Variants in CACNA2D1 observed in about 807,000 individuals in gnomAD.
CACNA2D1 encodes calcium voltage-gated channel auxiliary subunit alpha2delta 1.
Under a neutral mutation model 171.5 loss-of-function variants are expected in CACNA2D1, and 53 were observed. That is an observed-to-expected ratio of 0.31 (90% CI 0.25 to 0.39). CACNA2D1 has a LOEUF of 0.39. CACNA2D1 is among the 10% of genes least tolerant of loss of function. CACNA2D1 has a pLI of 1.00. For missense variants in CACNA2D1, 903 were observed against 1,299.8 expected (o/e 0.69, Z 4.69); for synonymous variants, 442 against 443.1 (o/e 1.00, Z 0.03).
intron 3 of CACNA2D1, among the ~76,000 whole-genome samples, chr7:82,299,519 G>A (rs575246699): frequency 1.8e-4 from 28 of 152,020 alleles, no homozygotes; most frequent in Non-Finnish European, 3.7e-4. Flanking sequence ...AAATTAGCCA[G>A]GCGTGGTGGT....
chr7:82,183,835 C>A (rs1472603142), intron 3 of CACNA2D1, among the ~76,000 whole-genome samples: 3 of 152,012 alleles, frequency 2.0e-5, no homozygotes, highest in Non-Finnish European at 4.4e-5. Context: ...TCTGGTGAAC[C>A]ACTTCCAGTC....
chr7:82,334,611 T>C (rs1388486452), intron 3 of CACNA2D1, among the ~76,000 whole-genome samples: 1 of 151,988 alleles, frequency 6.6e-6, no homozygotes. Context: ...TTGATAATGC[T>C]AAAAAGTAAG....
intron 11 of CACNA2D1, among the ~76,000 whole-genome samples, chr7:82,036,926 C>G (rs1803347808): frequency 6.6e-6 from 1 of 152,010 alleles, no homozygotes; most frequent in South Asian, 2.1e-4. Context: ...CACCCAGCAA[C>G]CTACACCTGC....
At chr7:82,128,415 G>C (rs558781071) in intron 5 of CACNA2D1, among the ~76,000 whole-genome samples, 4 of 152,112 alleles carry the variant, frequency 2.6e-5, no homozygotes, top group African/African-American at 9.7e-5. Flanking sequence ...CTAAGTGGAG[G>C]AACGTAGATA....
intron 3 of CACNA2D1, among the ~76,000 whole-genome samples, chr7:82,219,971 T>C (rs552490773): frequency 6.6e-6 from 1 of 152,262 alleles, no homozygotes; most frequent in Admixed American, 6.5e-5. Flanking sequence ...CCCTTTTGCA[T>C]GATACAAAGA....
chr7:82,365,816 T>G (rs75855406), intron 1 of CACNA2D1, among the ~76,000 whole-genome samples: 3 of 152,362 alleles, frequency 2.0e-5, no homozygotes, highest in Non-Finnish European at 2.9e-5. Flanking sequence ...TTGGAGAGAT[T>G]TGAAGACAGC....
chr7:82,266,396 G>A (rs990398952), intron 3 of CACNA2D1, among the ~76,000 whole-genome samples: 2 of 152,100 alleles, frequency 1.3e-5, no homozygotes, highest in African/African-American at 4.8e-5. Flanking sequence ...TCATGAAAAT[G>A]GTTGTAAATT....
At chr7:82,337,563 T>C (rs945456012) in intron 2 of CACNA2D1, among the ~76,000 whole-genome samples, 16 of 152,218 alleles carry the variant, frequency 1.1e-4, no homozygotes, top group African/African-American at 3.1e-4. Flanking sequence ...TTGAGGTATC[T>C]TTTCCTCTTC....
chr7:82,131,362 T>G (rs544474187), intron 5 of CACNA2D1, among the ~76,000 whole-genome samples: 1 of 152,172 alleles, frequency 6.6e-6, no homozygotes, highest in East Asian at 1.9e-4. Flanking sequence ...CATGCCCAAG[T>G]AAGGTAAATG....
chr7:82,421,613 C>T (rs1454895840), intron 1 of CACNA2D1, among the ~76,000 whole-genome samples: 1 of 152,052 alleles, frequency 6.6e-6, no homozygotes, highest in Non-Finnish European at 1.5e-5. Flanking sequence ...GGGAGAAGGG[C>T]AGGGAAAGAG....
chr7:81,961,611 T>C (rs1794127800), intron 36 of CACNA2D1, among the ~76,000 whole-genome samples: 1 of 151,878 alleles, frequency 6.6e-6, no homozygotes, highest in African/African-American at 2.4e-5. Flanking sequence ...CTCTATGTTC[T>C]GCCTAAAGAG....
intron 12 of CACNA2D1, among the ~76,000 whole-genome samples, chr7:82,026,654 CTG>C (rs1171518380): frequency 6.6e-6 from 1 of 151,692 alleles, no homozygotes; most frequent in African/African-American, 2.4e-5. Context: ...TTATTAATAT[CTG>C]TGGGCTGCAG....
Position 82,363,819 on chromosome 7 carries a change from G to C in CACNA2D1, c.96-14170C>G, listed in dbSNP as rs185438423. Reference sequence around the variant, plus strand: ...TAGGCTTGGAGTTAATGGATGGACTGGGTCTGATTCTCCAGCCGGGTTCTT... The same window carrying C: ...TAGGCTTGGAGTTAATGGATGGACTCGGTCTGATTCTCCAGCCGGGTTCTT... On this transcript the variant is annotated intron_variant, in intron 1 of 38. Transcript: ENST00000356860. Among the ~76,000 whole-genome samples, 715 of 152,324 alleles carry C rather than the reference G, an allele frequency of 4.7e-3. 4 individuals carry two copies. The highest frequency in any genetic ancestry group is 0.017 in the African/African-American group (693 of 41,570).
intron 18 of CACNA2D1, among the ~76,000 whole-genome samples, chr7:81,997,790 A>AT (rs1798199343): frequency 6.6e-6 from 1 of 152,000 alleles, no homozygotes; most frequent in Admixed American, 6.6e-5. Flanking sequence ...TTTGCTTCAT[A>AT]TATTTCAATC....
At chr7:82,025,166 C>A (rs2131066881) in intron 12 of CACNA2D1, among the ~76,000 whole-genome samples, 1 of 151,540 alleles carries the variant, frequency 6.6e-6, no homozygotes, top group East Asian at 1.9e-4. Flanking sequence ...GAATTTTTTT[C>A]TATTTTTATT....
At chr7:82,417,192 C>T (rs1438168385) in intron 1 of CACNA2D1, among the ~76,000 whole-genome samples, 1 of 152,090 alleles carries the variant, frequency 6.6e-6, no homozygotes, top group Non-Finnish European at 1.5e-5. Flanking sequence ...GTGAGATAGC[C>T]TCAGCATAGG....
At chr7:82,059,726 G>T (rs1308462479) in intron 10 of CACNA2D1, among the ~76,000 whole-genome samples, 3 of 151,778 alleles carry the variant, frequency 2.0e-5, no homozygotes, top group African/African-American at 7.2e-5. Context: ...ATTCACAATA[G>T]CAAAGACTTG....
chr7:82,079,946 A>C (rs1179546332), intron 7 of CACNA2D1, among the ~76,000 whole-genome samples: 1 of 152,008 alleles, frequency 6.6e-6, no homozygotes, highest in Non-Finnish European at 1.5e-5. Context: ...ACCATTCTAC[A>C]ATATGTGTGT....
At chr7:82,202,122 C>G (rs1215665963) in intron 3 of CACNA2D1, among the ~76,000 whole-genome samples, 2 of 152,180 alleles carry the variant, frequency 1.3e-5, no homozygotes, top group South Asian at 2.1e-4. Flanking sequence ...ATTAGGTGAT[C>G]ACCCATGTGA....
Sources: gnomAD v4.1 joint callset for allele counts (sites outside exome capture counted in the v4.1 genomes callset) on GRCh38, gnomAD v4.1.1 for gene constraint, MANE v1.5 for transcripts, NCBI Gene and HGNC (gene_info 2026-07-23, HGNC 2026-07-21) for gene names.